USP25: variants seen among roughly 807,000 people sequenced by gnomAD.
USP25 encodes the protein ubiquitin carboxyl-terminal hydrolase 25.
In USP25, 85 loss-of-function variants were observed where a neutral mutation model predicts 158.5. The observed-to-expected ratio is 0.54, with a 90% CI of 0.45 to 0.64. USP25 has a LOEUF of 0.64. Ranked by LOEUF, USP25 falls within the 30% of genes least tolerant of loss-of-function variation. The pLI is 0.00. For synonymous variants in USP25, 464 were observed against 460.4 expected (o/e 1.01, Z -0.10); for missense variants, 1,242 against 1,327.3 (o/e 0.94, Z 1.00).
intron 1 of USP25, among the ~76,000 whole-genome samples, chr21:15,748,449 T>A (rs1302575037): frequency 6.7e-6 from 1 of 148,556 alleles, no homozygotes; most frequent in Admixed American, 6.8e-5. Flanking sequence ...CCCAGCTACT[T>A]TTTAGTTTTT....
intron 1 of USP25, among the ~76,000 whole-genome samples, chr21:15,733,064 T>G (rs1197434720): frequency 7.0e-6 from 1 of 143,146 alleles, no homozygotes; most frequent in Non-Finnish European, 1.5e-5. Flanking sequence ...TTTACCAAAG[T>G]GTAGGAGCCT....
intron 5 of USP25, among the ~76,000 whole-genome samples, chr21:15,798,747 G>A (rs1232846999): frequency 6.6e-6 from 1 of 151,026 alleles, no homozygotes; most frequent in Non-Finnish European, 1.5e-5. Context: ...CAGCTTTATG[G>A]TTTTACCTTT....
chr21:15,847,828 A>G (rs2146473449), intron 19 of USP25, 52 bp downstream of exon 19: 6 of 1,284,014 alleles, frequency 4.7e-6, no homozygotes, highest in South Asian at 3.9e-5. Flanking sequence ...GCTATTTAAT[A>G]CAAATACTTT....
intron 6 of USP25, among the ~76,000 whole-genome samples, chr21:15,804,523 G>A (rs1426097999): frequency 6.6e-6 from 1 of 151,308 alleles, no homozygotes; most frequent in Admixed American, 6.6e-5. Flanking sequence ...TCTAATAATC[G>A]GGTGAGGTTC....
In USP25 at chr21:15,839,150, TTTTG is replaced by T. The variant is rs572054783; in HGVS notation, c.2195-3236_2195-3233del. Among the ~76,000 whole-genome samples, 51 of 152,288 alleles carry T rather than the reference TTTTG, an allele frequency of 3.3e-4. No individual in the cohort carries two copies. In the South Asian group the frequency reaches 1.0e-2, roughly 30 times the overall value. The stretch of plus-strand genomic sequence containing the variant: ...ATGGTGAAATGAGTGCATTTAAATT[TTTTG>T]TTTGTTTGTTTCCAGTCTCCCAGGG... On this transcript the variant is annotated intron_variant, in intron 17 of 25. Transcript: ENST00000400183.
At chr21:15,795,020 C>A (rs986820004) in intron 5 of USP25, among the ~76,000 whole-genome samples, 1 of 151,526 alleles carries the variant, frequency 6.6e-6, no homozygotes, top group Admixed American at 6.6e-5. Context: ...TAATTTTCAT[C>A]AAAGAAAAAA....
In USP25 at chr21:15,879,613, C is replaced by T. The variant is rs1422505484; in HGVS notation, c.*1138C>T. 1 of 152,460 alleles carries T rather than the reference C, an allele frequency of 6.6e-6. No individual in the cohort carries two copies. Among genetic ancestry groups the T allele is most frequent in the East Asian group, 1.9e-4 (1 of 5,188 alleles). The allele number at this position is 152,460 out of a possible 1,614,324, so 9.4% of individuals were successfully genotyped here. A position where few individuals can be genotyped will look rare whatever the true frequency, so the allele number is the denominator to read the frequency against. On this transcript the variant is annotated 3_prime_UTR_variant, in exon 26 of 26. Coordinates refer to ENST00000400183, the MANE Select transcript of USP25 (RefSeq NM_001283041.3). Reference sequence around the variant, plus strand: ...TTGTGAATGAAAATCAAAATCCATACTTTAAAGGTAATCATGTTACTAACA... The same window carrying T: ...TTGTGAATGAAAATCAAAATCCATATTTTAAAGGTAATCATGTTACTAACA...
At chr21:15,835,094 A>C (rs779030934) in intron 17 of USP25, among the ~76,000 whole-genome samples, 2 of 152,182 alleles carry the variant, frequency 1.3e-5, no homozygotes, top group Non-Finnish European at 2.9e-5. Context: ...TTGTTCCCTT[A>C]ACATTTACTT....
intron 1 of USP25, among the ~76,000 whole-genome samples, chr21:15,761,192 C>T (rs1050542772): frequency 3.3e-5 from 5 of 152,168 alleles, no homozygotes; most frequent in South Asian, 2.1e-4. Flanking sequence ...TCAGGAGGCA[C>T]GCACTGCCAT....
At chr21:15,745,473 C>CTTTTTTTTTTTTTTTTTTTTT (rs11284817) in intron 1 of USP25, among the ~76,000 whole-genome samples, 2 of 112,998 alleles carry the variant, frequency 1.8e-5, no homozygotes, top group African/African-American at 3.6e-5. Context: ...TTTTTCTTTT[C>CTTTTTTTTTTTTTTTTTTTTT]TTTTTTTTTT....
At chr21:15,833,280 C>T in intron 16 of USP25, 68 bp from the exon 17 acceptor site, 1 of 1,396,064 alleles carries the variant, frequency 7.2e-7, no homozygotes, top group Non-Finnish European at 9.9e-7. Flanking sequence ...GAAATGCAGT[C>T]TATTTTGAGC....
rs1445472617 is a variant in USP25, at chr21:15,730,452, G to A, written c.45+14G>A. 1.5e-6 allele frequency: 2 copies of A among 1,351,378 alleles called. No homozygotes were observed. Among genetic ancestry groups the A allele is most frequent in the East Asian group, 3.1e-5 (1 of 31,806 alleles). The allele number at this position is 1,351,378 out of a possible 1,614,324, so 83.7% of individuals were successfully genotyped here. A position where few individuals can be genotyped will look rare whatever the true frequency, so the allele number is the denominator to read the frequency against. On this transcript the variant is annotated intron_variant, in intron 1 of 25. Coordinates refer to ENST00000400183, the MANE Select transcript of USP25 (RefSeq NM_001283041.3). ...GCGGCGCAGAAGGTGAGGCGAGTCC[G>A]CCAGCCGGCGGGCCCCACTTCTCCT...
intron 9 of USP25, among the ~76,000 whole-genome samples, chr21:15,812,510 G>A (rs2036717670): frequency 1.3e-5 from 2 of 152,092 alleles, no homozygotes; most frequent in South Asian, 4.1e-4. Flanking sequence ...AATTAGCCAG[G>A]CGTGGTGGCA....
intron 1 of USP25, among the ~76,000 whole-genome samples, chr21:15,754,249 ATTAG>A (rs1324284111): frequency 1.3e-5 from 2 of 152,146 alleles, no homozygotes; most frequent in Admixed American, 6.5e-5. Context: ...ATCTCCAATA[ATTAG>A]TTAGTGCCTC....
intron 10 of USP25, among the ~76,000 whole-genome samples, chr21:15,823,238 T>C (rs990542060): frequency 6.6e-6 from 1 of 152,044 alleles, no homozygotes; most frequent in Non-Finnish European, 1.5e-5. Context: ...CAATCTTTCT[T>C]TCTCTTTAAA....
chr21:15,817,879 C>T (rs931514744), intron 9 of USP25, among the ~76,000 whole-genome samples: 2 of 152,054 alleles, frequency 1.3e-5, no homozygotes, highest in East Asian at 1.9e-4. Flanking sequence ...GGGACACAGC[C>T]AAACCGTATC....
At chr21:15,767,150 C>G (rs891822371) in intron 3 of USP25, among the ~76,000 whole-genome samples, 3 of 151,964 alleles carry the variant, frequency 2.0e-5, no homozygotes, top group Admixed American at 2.0e-4. Context: ...GACTGGGCCC[C>G]CATCCACATT....
chr21:15,827,152 C>G lies in USP25; in HGVS notation c.1642C>G (p.Leu548Val), dbSNP rs887430544. ...RHITEEELSVLESCLHRWRTE... is the reference protein window; with the variant it reads ...RHITEEELSVVESCLHRWRTE... ...CATAACGGAGGAAGAACTTTCTGTG[C>G]TGGAAAGTTGTTTACATCGCTGGAG... is the stretch of plus-strand genomic sequence containing the variant. Residue 548 changes from leucine to valine, a missense_variant, in exon 14 of 26, where the codon CTG becomes GTG. Around this residue, in one of 3 missense-constraint regions of USP25, gnomAD observed 627 missense variants for 701.4 expected, o/e 0.89. Coordinates refer to ENST00000400183, the MANE Select transcript of USP25 (RefSeq NM_001283041.3). The G allele has an allele frequency of 1.2e-6, 2 of 1,614,078 alleles. No individual in the cohort carries two copies. Among genetic ancestry groups the G allele is most frequent in the Non-Finnish European group, 1.7e-6 (2 of 1,180,044 alleles).
At chr21:15,774,437 A>G (rs988264304) in intron 3 of USP25, among the ~76,000 whole-genome samples, 1 of 152,178 alleles carries the variant, frequency 6.6e-6, no homozygotes, top group African/African-American at 2.4e-5. Flanking sequence ...TGAAAATTCC[A>G]TATTAATCAT....
Sources: allele counts gnomAD v4.1 joint callset (sites outside exome capture counted in the v4.1 genomes callset), GRCh38; gene constraint gnomAD v4.1.1; regional missense constraint gnomAD v4.1.1; transcripts MANE v1.5; gene names NCBI Gene and HGNC (gene_info 2026-07-23, HGNC 2026-07-21).